Variants in ZNF280D observed in about 807,000 individuals in gnomAD.
ZNF280D encodes suppressor of hairy wing homolog 4.
Under a neutral mutation model 94.7 loss-of-function variants are expected in ZNF280D, and 39 were observed. The observed-to-expected ratio is 0.41, with a 90% CI of 0.32 to 0.54. The LOEUF (loss-of-function observed/expected upper bound fraction) is 0.54, where lower values mean the gene tolerates loss of function less well. ZNF280D is among the 20% of genes least tolerant of loss of function. The pLI is 0.22. For synonymous variants in ZNF280D, 398 were observed against 377.6 expected, an observed-to-expected ratio of 1.05 and a Z score of -0.63; for missense variants, 1,090 against 1,149.3, an observed-to-expected ratio of 0.95 and a Z score of 0.75.
intron 1 of ZNF280D, among the ~76,000 whole-genome samples, chr15:56,709,705 G>A (rs1382084115): frequency 6.6e-6 from 1 of 152,172 alleles, no homozygotes; most frequent in Non-Finnish European, 1.5e-5. Flanking sequence ...TCATGTCTTT[G>A]TAGGCACATG....
intron 9 of ZNF280D, among the ~76,000 whole-genome samples, chr15:56,684,644 C>T (rs577189939): frequency 6.8e-6 from 1 of 147,524 alleles, no homozygotes; most frequent in Non-Finnish European, 1.5e-5. Flanking sequence ...GACATGAAGA[C>T]AAATTAGGAA....
intron 14 of ZNF280D, 73 bp downstream of exon 14, chr15:56,668,750 A>T: frequency 7.5e-7 from 1 of 1,334,988 alleles, no homozygotes; most frequent in Non-Finnish European, 1.0e-6. Context: ...AAATACATTC[A>T]ATATATAAAG....
chr15:56,634,622 T>C (rs182405187), intron 21 of ZNF280D, among the ~76,000 whole-genome samples: 1 of 152,210 alleles, frequency 6.6e-6, no homozygotes, highest in East Asian at 1.9e-4. Flanking sequence ...GTCAAATTAC[T>C]TAAAAGACAA....
At position 56,727,039 on chromosome 15, in the gene ZNF280D, C is replaced by A. The variant is rs375336026; in HGVS notation, c.-86+6419G>T. On this transcript the variant is annotated intron_variant, in intron 1 of 21. Transcript: ENST00000267807. ...AACTTGGAATTTCAGGGACAATAAA[C>A]CATGGGAAAGTGACTAGAAAAAATG... Among the ~76,000 whole-genome samples the A allele has an allele frequency of 6.0e-4, 91 of 152,202 alleles. 1 individual carries two copies. The South Asian group carries it at 0.018, about 31-fold the overall frequency.
At position 56,678,796 on chromosome 15, in the gene ZNF280D, A is replaced by T; in HGVS notation, c.1030T>A (p.Leu344Met). Residue 344 changes from leucine (L) to methionine (M), a missense_variant, in exon 11 of 22, where the codon TTG becomes ATG. By Grantham distance (15) the Leu-to-Met change is conservative (BLOSUM62 2). Around this residue, in one of 3 missense-constraint regions of ZNF280D, gnomAD observed 127 missense variants for 208.6 expected, o/e 0.61. Coordinates refer to ENST00000267807, the MANE Select transcript of ZNF280D (RefSeq NM_017661.4). ...TCACTGCTCTGCTTCTCAAGTTCCA[A>T]ATGGTGTTTCATGTGGTTCATAAAC... is the stretch of plus-strand genomic sequence containing the variant. ...IRFMNHMKHH[L>M]ELEKQSSESW... The T allele has an allele frequency of 1.9e-6, 3 of 1,610,026 alleles. No homozygotes were observed. The highest frequency in any genetic ancestry group is 2.5e-6 in the Non-Finnish European group (3 of 1,178,114).
At chr15:56,709,687 G>T (rs1449202871) in intron 1 of ZNF280D, among the ~76,000 whole-genome samples, 1 of 152,156 alleles carries the variant, frequency 6.6e-6, no homozygotes, top group East Asian at 1.9e-4. Flanking sequence ...CCATAAAAAA[G>T]GATGAGTTCA....
At position 56,650,316 on chromosome 15, in the gene ZNF280D, A is replaced by G. The variant is rs1225039300; in HGVS notation, c.2213+3882T>C. ...GCTCATTAAATTAGGGGGATTTAAT[A>G]AAGTATAATACACACATTAACATCT... On this transcript the variant is annotated intron_variant, in intron 19 of 21. Coordinates refer to ENST00000267807, the MANE Select transcript of ZNF280D (RefSeq NM_017661.4). 1.6e-4 allele frequency among the ~76,000 whole-genome samples: 24 copies of G among 152,176 alleles called. 1 individual carries two copies. Among genetic ancestry groups the G allele is most frequent in the African/African-American group, 5.8e-4 (24 of 41,464 alleles).
chr15:56,642,832 C>T, intron 20 of ZNF280D, 120 bp downstream of exon 20: 1 of 558,526 alleles, frequency 1.8e-6, no homozygotes, highest in Non-Finnish European at 2.9e-6. Flanking sequence ...TTTTTTCTTC[C>T]TCACAACATC....
chr15:56,635,257 T>C lies in ZNF280D; in HGVS notation c.2260-7A>G. ...TGTTAGGTCTTGCAATTTCCTGAAA[T>C]AATTAATAATACTTTTCTTTTACAT... On this transcript the variant is annotated splice_polypyrimidine_tract_variant and splice_region_variant and intron_variant, in intron 20 of 21. Transcript: ENST00000267807. The C allele has an allele frequency of 6.7e-7, 1 of 1,483,102 alleles. No homozygotes were observed. Among genetic ancestry groups the C allele is most frequent in the Non-Finnish European group, 9.1e-7 (1 of 1,104,628 alleles). The allele number at this position is 1,483,102 out of a possible 1,614,324, so 91.9% of individuals were successfully genotyped here. A position where few individuals can be genotyped will look rare whatever the true frequency, so the allele number is the denominator to read the frequency against.
chr15:56,672,175 T>G (rs2054911418), intron 13 of ZNF280D, among the ~76,000 whole-genome samples: 2 of 152,124 alleles, frequency 1.3e-5, no homozygotes, highest in African/African-American at 4.8e-5. Flanking sequence ...CATTGTTTCT[T>G]TCTTTTGCCT....
chr15:56,701,461 TTTC>T (rs1424185087), intron 4 of ZNF280D, among the ~76,000 whole-genome samples: 1 of 152,100 alleles, frequency 6.6e-6, no homozygotes, highest in Non-Finnish European at 1.5e-5. Flanking sequence ...AAGAACAATC[TTTC>T]TCATTGTAAC....
chr15:56,718,695 T>C (rs983246355), intron 1 of ZNF280D, among the ~76,000 whole-genome samples: 1 of 152,198 alleles, frequency 6.6e-6, no homozygotes, highest in Non-Finnish European at 1.5e-5. Context: ...TGATCTAGGT[T>C]GCAAACCACT....
At chr15:56,646,335 CAGG>C (rs1458345373) in intron 19 of ZNF280D, among the ~76,000 whole-genome samples, 2 of 152,028 alleles carry the variant, frequency 1.3e-5, no homozygotes, top group Admixed American at 1.3e-4. Context: ...GAGGCTGAGG[CAGG>C]AGAATTGCTT....
intron 14 of ZNF280D, among the ~76,000 whole-genome samples, chr15:56,667,216 A>T (rs1411349001): frequency 3.9e-5 from 6 of 152,324 alleles, no homozygotes; most frequent in African/African-American, 4.8e-5. Context: ...ATGTTAACAC[A>T]GTTATCAGTG....
At position 56,700,966 on chromosome 15, in the gene ZNF280D, A is replaced by C; in HGVS notation, c.348T>G (p.Asp116Glu). 2 of 1,613,946 alleles carry C rather than the reference A, an allele frequency of 1.2e-6. No homozygotes were observed. The highest frequency in any genetic ancestry group is 1.7e-6 in the Non-Finnish European group (2 of 1,179,852). Residue 116 changes from aspartate (D) to glutamate (E), a missense_variant, in exon 6 of 22, where the codon GAT (aspartate) becomes GAG (glutamate). Around this residue, in one of 3 missense-constraint regions of ZNF280D, gnomAD observed 386 missense variants for 372.0 expected, o/e 1.04. Transcript: ENST00000267807. The part of the protein sequence containing the change: ...INFHPESRSS[D>E]SSVIVQPFSK... ...AAAAAGGCTGAACAATAACAGAACT[A>C]TCTGAAGATCTAGACTCAGGATGAA...
intron 16 of ZNF280D, among the ~76,000 whole-genome samples, chr15:56,666,182 T>C (rs1439158617): frequency 6.6e-6 from 1 of 152,186 alleles, no homozygotes; most frequent in African/African-American, 2.4e-5. Context: ...TCTAATTTCA[T>C]TAGCTTAATT....
intron 10 of ZNF280D, among the ~76,000 whole-genome samples, chr15:56,681,353 C>CAA (rs2055605667): frequency 1.3e-5 from 2 of 152,216 alleles, no homozygotes; most frequent in African/African-American, 4.8e-5. Flanking sequence ...CATGCACAAA[C>CAA]ACAATGCAGA....
At chr15:56,654,043 A>G (rs371010457) in intron 19 of ZNF280D, 155 bp downstream of exon 19, 1 of 1,486,314 alleles carries the variant, frequency 6.7e-7, no homozygotes, top group East Asian at 2.4e-5. Context: ...CGAGCTCCAT[A>G]GAGCAGGAAC....
At chr15:56,632,496 A>AT (rs35589148) in intron 21 of ZNF280D, among the ~76,000 whole-genome samples, 15,396 of 129,096 alleles carry the variant, frequency 0.12, 1,152 homozygotes, top group Admixed American at 0.22. Flanking sequence ...TTTTTTTATG[A>AT]TTTTTTTTTT....
Sources: gnomAD v4.1 joint callset for allele counts (sites outside exome capture counted in the v4.1 genomes callset) on GRCh38, gnomAD v4.1.1 for gene constraint, gnomAD v4.1.1 regional missense constraint, MANE v1.5 for transcripts, NCBI Gene and HGNC (gene_info 2026-07-23, HGNC 2026-07-21) for gene names.